DOCK9: variants seen among roughly 807,000 people sequenced by gnomAD.
The protein encoded by DOCK9 is dedicator of cytokinesis 9, also known as dedicator of cytokinesis protein 9.
In DOCK9, 89 loss-of-function variants were observed where a neutral mutation model predicts 263.3. That is an observed-to-expected ratio of 0.34 (90% CI 0.28 to 0.40). DOCK9 has a LOEUF of 0.40. Ranked by LOEUF, DOCK9 falls within the 10% of genes least tolerant of loss-of-function variation. The pLI, the probability that DOCK9 is intolerant of heterozygous loss-of-function variation, is 1.00. For synonymous variants in DOCK9, 976 were observed against 973.1 expected, an observed-to-expected ratio of 1.00 and a Z score of -0.06; for missense variants, 2,140 against 2,603.4, an observed-to-expected ratio of 0.82 and a Z score of 3.87.
intron 14 of DOCK9, 129 bp downstream of exon 14, chr13:98,898,050 G>A: frequency 1.5e-6 from 1 of 677,122 alleles, no homozygotes; most frequent in Non-Finnish European, 2.5e-6. Context: ...TTCAAAATCT[G>A]GGCTTATGTA....
At chr13:99,016,474 T>C (rs1885430361) in intron 1 of DOCK9, among the ~76,000 whole-genome samples, 4 of 152,208 alleles carry the variant, frequency 2.6e-5, no homozygotes, top group Admixed American at 2.6e-4. Flanking sequence ...CTACCCAGTC[T>C]GGCTAGATGC....
intron 45 of DOCK9, among the ~76,000 whole-genome samples, chr13:98,814,936 A>G (rs761144884): frequency 4.1e-3 from 5 of 1,224 alleles, no homozygotes; most frequent in Non-Finnish European, 7.9e-3. Flanking sequence ...ATTCTGTCTC[A>G]AAATAAAATA....
At chr13:98,948,404 A>G (rs9517503) in intron 2 of DOCK9, among the ~76,000 whole-genome samples, 63,556 of 151,962 alleles carry the variant, frequency 0.42, 13,643 homozygotes, top group East Asian at 0.56. Context: ...TACACCATGA[A>G]TATCAGTGGG....
At chr13:99,013,440 A>C (rs927707) in intron 1 of DOCK9, among the ~76,000 whole-genome samples, 2 of 152,250 alleles carry the variant, frequency 1.3e-5, no homozygotes, top group South Asian at 2.1e-4. Flanking sequence ...TTGTTGTACT[A>C]TAAGTGTACT....
At chr13:98,901,743 T>C (rs776370705) in intron 13 of DOCK9, 35 bp downstream of exon 13, 1 of 1,603,426 alleles carries the variant, frequency 6.2e-7, no homozygotes, top group Non-Finnish European at 8.5e-7. Flanking sequence ...TTCAGATTGC[T>C]TTTTACCACC....
chr13:98,911,446 T>C (rs934295438), intron 9 of DOCK9, among the ~76,000 whole-genome samples: 3 of 152,144 alleles, frequency 2.0e-5, no homozygotes, highest in African/African-American at 7.2e-5. Context: ...TATATACCAA[T>C]GAAAGTAAAT....
At chr13:98,798,988 A>G (rs2089785489) in intron 50 of DOCK9, among the ~76,000 whole-genome samples, 1 of 152,182 alleles carries the variant, frequency 6.6e-6, no homozygotes, top group South Asian at 2.1e-4. Flanking sequence ...TTCCAAGATC[A>G]TGTTGATTGA....
intron 1 of DOCK9, among the ~76,000 whole-genome samples, chr13:98,998,457 A>C (rs1395158218): frequency 1.3e-5 from 2 of 152,140 alleles, no homozygotes; most frequent in African/African-American, 4.8e-5. Context: ...CACTTACAGC[A>C]CTCATGGCCT....
At chr13:99,007,318 G>A (rs1883522281) in intron 1 of DOCK9, among the ~76,000 whole-genome samples, 1 of 152,082 alleles carries the variant, frequency 6.6e-6, no homozygotes, top group Non-Finnish European at 1.5e-5. Flanking sequence ...AACCCAGGAA[G>A]GGGAAGTTGC....
chr13:98,929,316 G>A (rs1724222344), intron 3 of DOCK9, among the ~76,000 whole-genome samples: 3 of 152,196 alleles, frequency 2.0e-5, no homozygotes, highest in African/African-American at 7.2e-5. Flanking sequence ...GCCAAGGCGG[G>A]CAGATCACTT....
At chr13:99,012,011 C>T (rs1007568577) in intron 1 of DOCK9, among the ~76,000 whole-genome samples, 2 of 152,038 alleles carry the variant, frequency 1.3e-5, no homozygotes. Flanking sequence ...TTTGTACAGA[C>T]GGGGTTTCAC....
intron 32 of DOCK9, among the ~76,000 whole-genome samples, 199 bp downstream of exon 32, chr13:98,862,820 C>T (rs2093912708): frequency 1.3e-5 from 2 of 152,176 alleles, no homozygotes; most frequent in Non-Finnish European, 2.9e-5. Context: ...TTGCCTGCAG[C>T]ATCAGCAGCT....
chr13:98,988,745 T>C (rs1879051372), intron 1 of DOCK9, among the ~76,000 whole-genome samples: 1 of 152,214 alleles, frequency 6.6e-6, no homozygotes, highest in African/African-American at 2.4e-5. Flanking sequence ...ATTGAAACCT[T>C]TTTTATTTTA....
rs1364733811 is a variant in DOCK9 at position 98,903,254 on chromosome 13, C to T, written c.1036-142G>A. 8.7e-6 allele frequency: 6 copies of T among 685,736 alleles called. No individual in the cohort carries two copies. The South Asian group carries it at 1.2e-4, about 13-fold the overall frequency. The allele number at this position is 685,736 out of a possible 1,614,324, so 42.5% of individuals were successfully genotyped here. A position where few individuals can be genotyped will look rare whatever the true frequency, so the allele number is the denominator to read the frequency against. On this transcript the variant is annotated intron_variant, in intron 10 of 52. Coordinates refer to ENST00000682017, the MANE Select transcript of DOCK9 (RefSeq NM_001366683.2). ...CACAATAGTGTTGCTATTATATAAT[C>T]GGTTTCTATGGTTTATAGTAGTTAC...
At chr13:98,799,454 T>C (rs542927230) in intron 50 of DOCK9, among the ~76,000 whole-genome samples, 1 of 152,306 alleles carries the variant, frequency 6.6e-6, no homozygotes, top group East Asian at 1.9e-4. Flanking sequence ...ATTTAACACT[T>C]ACCAATTAAC....
At chr13:98,993,153 T>G (rs529750051) in intron 1 of DOCK9, among the ~76,000 whole-genome samples, 2 of 152,204 alleles carry the variant, frequency 1.3e-5, no homozygotes, top group African/African-American at 4.8e-5. Context: ...CCACAGCATA[T>G]GCAGTAATAA....
chr13:98,920,383 A>C (rs182002069), intron 7 of DOCK9, among the ~76,000 whole-genome samples: 1 of 152,366 alleles, frequency 6.6e-6, no homozygotes, highest in Admixed American at 6.5e-5. Flanking sequence ...TTACATGTGT[A>C]ATGAATGAAC....
chr13:98,927,267 T>A (rs1188354022), intron 3 of DOCK9, among the ~76,000 whole-genome samples: 1 of 152,262 alleles, frequency 6.6e-6, no homozygotes, highest in Non-Finnish European at 1.5e-5. Context: ...CAAAGCATTT[T>A]CACATTTTGA....
chr13:98,824,907 A>G (rs2092460397), intron 44 of DOCK9, among the ~76,000 whole-genome samples: 1 of 152,226 alleles, frequency 6.6e-6, no homozygotes, highest in Admixed American at 6.5e-5. Flanking sequence ...GTATGATTCA[A>G]AAAGAACTGT....
Sources: gnomAD v4.1 joint callset for allele counts (sites outside exome capture counted in the v4.1 genomes callset) on GRCh38, gnomAD v4.1.1 for gene constraint, MANE v1.5 for transcripts, NCBI Gene and HGNC (gene_info 2026-07-23, HGNC 2026-07-21) for gene names.